MCCC1: variants seen among roughly 807,000 people sequenced by gnomAD.
MCCC1 encodes the protein methylcrotonyl-CoA carboxylase subunit 1.
MCCC1 carries 64 observed loss-of-function variants against 83.8 expected under a neutral mutation model. The observed-to-expected ratio is 0.76, with a 90% CI of 0.62 to 0.94. The LOEUF is 0.94. Among genes scored for constraint, MCCC1 ranks in the 40% least tolerant of loss-of-function variants. The pLI is 0.00. For missense variants in MCCC1, 807 were observed against 904.7 expected (o/e 0.89, Z 1.39); for synonymous variants, 322 against 315.4 (o/e 1.02, Z -0.22).
intron 7 of MCCC1, among the ~76,000 whole-genome samples, chr3:183,063,615 C>T (rs931209006): frequency 6.6e-6 from 1 of 152,106 alleles, no homozygotes; most frequent in Non-Finnish European, 1.5e-5. Context: ...TATTCCTTTA[C>T]TTTCTTAATA....
chr3:183,047,289 T>C (rs754517557), intron 9 of MCCC1, among the ~76,000 whole-genome samples: 7 of 152,122 alleles, frequency 4.6e-5, no homozygotes, highest in Non-Finnish European at 1.0e-4. Flanking sequence ...CAGGAAGCAC[T>C]GGTGAAGTTC....
chr3:183,067,036 T>C (rs1716305855), intron 7 of MCCC1, among the ~76,000 whole-genome samples: 1 of 152,254 alleles, frequency 6.6e-6, no homozygotes, highest in African/African-American at 2.4e-5. Context: ...AGAATCTGCT[T>C]TCTTTTGCAA....
chr3:183,053,362 C>T (rs1156308120), intron 8 of MCCC1, among the ~76,000 whole-genome samples: 1 of 152,012 alleles, frequency 6.6e-6, no homozygotes, highest in Non-Finnish European at 1.5e-5. Context: ...ATAGCACACA[C>T]CTATAGTTCC....
At chr3:183,044,798 C>T (rs1209596868) in intron 10 of MCCC1, among the ~76,000 whole-genome samples, 4 of 152,114 alleles carry the variant, frequency 2.6e-5, no homozygotes, top group Non-Finnish European at 4.4e-5. Flanking sequence ...TGTGGCTTCA[C>T]TTTTAACCTC....
chr3:183,044,983 T>C (rs752862202), intron 10 of MCCC1, among the ~76,000 whole-genome samples: 1 of 152,024 alleles, frequency 6.6e-6, no homozygotes, highest in Non-Finnish European at 1.5e-5. Context: ...ACATGGGTAT[T>C]TTGCATAATG....
intron 3 of MCCC1, 96 bp from the exon 4 acceptor site, chr3:183,086,884 T>C (rs573214009): frequency 1.1e-5 from 12 of 1,095,540 alleles, no homozygotes; most frequent in Admixed American, 6.0e-5. Flanking sequence ...TTATTGTAAA[T>C]AAAAATGCCA....
Position 183,086,719 on chromosome 3 carries a change from G to A in MCCC1, c.343C>T (p.Gln115Ter), listed in dbSNP as rs920162850. ...QSYLSMEKIIQVAKTSAAQAI... is the reference protein window; with the variant it reads ...QSYLSMEKII ...TGTGCAGCAGAGGTCTTGGCCACTT[G>A]AATGATTTTCTCCATAGATAGGTAG... is the stretch of plus-strand genomic sequence containing the variant. The change falls in exon 4 of 19, where the codon CAA (glutamine) becomes TAA (stop). Residue 115 changes from glutamine (Q) to a stop codon, truncating the protein, a stop_gained. Coordinates refer to ENST00000265594, the MANE Select transcript of MCCC1 (RefSeq NM_020166.5). LOFTEE classifies it high-confidence loss of function. The A allele has an allele frequency of 6.2e-7, 1 of 1,614,036 alleles. No homozygotes were observed. The highest frequency in any genetic ancestry group is 1.3e-5 in the African/African-American group (1 of 74,936).
At chr3:183,093,097 T>C (rs1262905887) in intron 2 of MCCC1, among the ~76,000 whole-genome samples, 1 of 152,096 alleles carries the variant, frequency 6.6e-6, no homozygotes, top group Non-Finnish European at 1.5e-5. Flanking sequence ...TTTCACCACA[T>C]TGGCCAGGCT....
intron 7 of MCCC1, among the ~76,000 whole-genome samples, chr3:183,060,619 C>T (rs1715750133): frequency 6.6e-6 from 1 of 151,542 alleles, no homozygotes; most frequent in South Asian, 2.1e-4. Context: ...TACATGTGCA[C>T]AACGTGCAGG....
chr3:183,103,280 A>G (rs1292800554), upstream of MCCC1, among the ~76,000 whole-genome samples: 3 of 152,126 alleles, frequency 2.0e-5, no homozygotes, highest in African/African-American at 7.2e-5. Flanking sequence ...GTGTGGAAGC[A>G]GACCCGAGCG....
intron 13 of MCCC1, among the ~76,000 whole-genome samples, chr3:183,034,883 T>C (rs567544321): frequency 6.6e-6 from 1 of 152,060 alleles, no homozygotes; most frequent in African/African-American, 2.4e-5. Context: ...GTTCAAGTGA[T>C]TCTCCTGCCT....
intron 7 of MCCC1, among the ~76,000 whole-genome samples, chr3:183,062,293 T>G (rs1249516885): frequency 6.6e-6 from 1 of 151,754 alleles, no homozygotes; most frequent in Non-Finnish European, 1.5e-5. Flanking sequence ...ATGAAGGGAA[T>G]GTGTGGGGGC....
chr3:183,044,430 T>C (rs1043928904), intron 10 of MCCC1, among the ~76,000 whole-genome samples: 2 of 152,346 alleles, frequency 1.3e-5, no homozygotes, highest in Admixed American at 1.3e-4. Flanking sequence ...AGGCATGTCA[T>C]AGCAATGCCA....
chr3:183,086,384 AC>A (rs1717893330), intron 4 of MCCC1, among the ~76,000 whole-genome samples: 1 of 152,164 alleles, frequency 6.6e-6, no homozygotes, highest in Non-Finnish European at 1.5e-5. Context: ...AGCCCTACCT[AC>A]CTATTTCTCC....
chr3:183,043,107 T>C (rs1193400702), intron 10 of MCCC1, among the ~76,000 whole-genome samples: 1 of 152,254 alleles, frequency 6.6e-6, no homozygotes, highest in Middle Eastern at 3.4e-3. Flanking sequence ...CTGGCCAACA[T>C]GGTGAAACCC....
chr3:183,032,065 G>A (rs1202182333), intron 14 of MCCC1, among the ~76,000 whole-genome samples: 1 of 152,148 alleles, frequency 6.6e-6, no homozygotes, highest in Non-Finnish European at 1.5e-5. Context: ...TTTTCTGAAA[G>A]CTCTTACATA....
rs1718297407 is a variant in MCCC1 at position 183,091,102 on chromosome 3, A to G, written c.273+1307T>C. 8.8e-6 allele frequency: 4 copies of G among 452,652 alleles called. No individual in the cohort carries two copies. The Admixed American group carries it at 9.5e-5, about 11-fold the overall frequency. 28.0% of individuals were successfully genotyped at this position (452,652 alleles called of 1,614,324 possible). ...GAAACAAGTTTGAAATACTCATTGC[A>G]CAGAGTGAGAAAAACAGTGGCTAGA... is the stretch of plus-strand genomic sequence containing the variant. On this transcript the variant is annotated intron_variant, in intron 3 of 18. Coordinates refer to ENST00000265594, the MANE Select transcript of MCCC1 (RefSeq NM_020166.5).
chr3:183,104,177 C>T (rs949340632), upstream of MCCC1, among the ~76,000 whole-genome samples: 2 of 152,256 alleles, frequency 1.3e-5, no homozygotes, highest in Admixed American at 1.3e-4. Context: ...CCTTGGCCAG[C>T]CTAGAAAGGG....
chr3:183,044,928 T>C (rs2108485576), intron 10 of MCCC1, among the ~76,000 whole-genome samples: 1 of 152,116 alleles, frequency 6.6e-6, no homozygotes, highest in South Asian at 2.1e-4. Context: ...GTTGTTGTCG[T>C]TGTTGTTGAA....
Sources: gnomAD v4.1 joint callset for allele counts (sites outside exome capture counted in the v4.1 genomes callset) on GRCh38, gnomAD v4.1.1 for gene constraint, MANE v1.5 for transcripts, NCBI Gene and HGNC (gene_info 2026-07-23, HGNC 2026-07-21) for gene names.